The following ENG variants were observed in gnomAD, a reference collection of about 807,000 sequenced individuals.
ENG encodes CD105 antigen.
In ENG, 17 loss-of-function variants were observed where a neutral mutation model predicts 71.0. The observed-to-expected ratio is 0.24, with a 90% CI of 0.16 to 0.36. The LOEUF is 0.36. Ranked by LOEUF, ENG falls within the 10% of genes least tolerant of loss-of-function variation. The pLI is 1.00. For missense variants in ENG, 749 were observed against 868.3 expected, an observed-to-expected ratio of 0.86 and a Z score of 1.73; for synonymous variants, 360 against 366.9, an observed-to-expected ratio of 0.98 and a Z score of 0.21.
At chr9:127,816,722 G>A (rs1380847680) in intron 13 of ENG, 4 of 290,054 alleles carry the variant, frequency 1.4e-5, no homozygotes, top group Non-Finnish European at 2.7e-5. Context: ...GCCTGGTGTG[G>A]GCCTGGGCCT....
Position 127,825,868 on chromosome 9 carries a change from GAC to G in ENG, c.524-10_524-9del. 6.3e-7 allele frequency: 1 copy of G among 1,583,144 alleles called. No individual in the cohort carries two copies. Among genetic ancestry groups the G allele is most frequent in the Non-Finnish European group, 8.6e-7 (1 of 1,165,000 alleles). On this transcript the variant is annotated splice_polypyrimidine_tract_variant and intron_variant, in intron 4 of 14. Coordinates refer to ENST00000373203, the MANE Select transcript of ENG (RefSeq NM_001114753.3). ...AGGACAGTGACCCCTGGGCTGCAGA[GAC>G]ACGCGCACCTCAGTCCCTTCCCTCA...
chr9:127,854,578 C>G lies in ENG; in HGVS notation c.-223G>C. ...CTGGAGTTGCTGTCCGAAGGATGGG[C>G]GGGGAGGGGGTGCTGGGCTCCAATG... On this transcript the variant is annotated 5_prime_UTR_variant, in exon 1 of 15. Coordinates refer to ENST00000373203, the MANE Select transcript of ENG (RefSeq NM_001114753.3). 1.8e-6 allele frequency: 1 copy of G among 564,648 alleles called. No homozygotes were observed. The highest frequency in any genetic ancestry group is 3.1e-6 in the Non-Finnish European group (1 of 319,514). 35.0% of individuals were successfully genotyped at this position (564,648 alleles called of 1,614,324 possible). A position where few individuals can be genotyped will look rare whatever the true frequency, so the allele number is the denominator to read the frequency against.
chr9:127,829,614 G>A, intron 3 of ENG, 73 bp downstream of exon 3: 1 of 1,594,742 alleles, frequency 6.3e-7, no homozygotes, highest in Non-Finnish European at 8.6e-7. Context: ...GGGAGACCCT[G>A]ACCCACAGAG....
In ENG at chr9:127,820,022, T is replaced by C. The variant is rs747555666; in HGVS notation, c.1150A>G (p.Ile384Val). The C allele has an allele frequency of 2.5e-6, 4 of 1,614,080 alleles. No homozygotes were observed. Among genetic ancestry groups the C allele is most frequent in the Non-Finnish European group, 3.4e-6 (4 of 1,180,028 alleles). ...KELVAHLKCT[I>V]TGLTFWDPSC... ...GGGTCCCAGAAGGTCAGGCCCGTGATGGTGCACTTCAAATGCTGGGTCGGA... is the reference window on the plus strand; with the variant it reads ...GGGTCCCAGAAGGTCAGGCCCGTGACGGTGCACTTCAAATGCTGGGTCGGA... Residue 384 changes from isoleucine (I) to valine (V), a missense_variant, in exon 9 of 15, where the codon ATC (isoleucine) becomes GTC (valine). By Grantham distance (29) the Ile-to-Val change is conservative (BLOSUM62 3). Transcript: ENST00000373203.
chr9:127,818,406 T>A, intron 11 of ENG, 29 bp from the exon 12 acceptor site: 1 of 1,610,864 alleles, frequency 6.2e-7, no homozygotes, highest in Non-Finnish European at 8.5e-7. Flanking sequence ...CCACGCGGCA[T>A]GGGCAGCTGC....
chr9:127,826,977 G>A (rs562008931), intron 3 of ENG: 4 of 411,512 alleles, frequency 9.7e-6, no homozygotes, highest in East Asian at 5.3e-5. Flanking sequence ...TCCTGCGGCT[G>A]TCTCTCCCTA....
chr9:127,815,674 G>T lies in ENG; in HGVS notation c.*8C>A. ...TCTCTCCTGCTGGGCGAGCGCGGGG[G>T]GCCGGGGCTATGCCATGCTGCTGGT... On this transcript the variant is annotated 3_prime_UTR_variant, in exon 15 of 15. Coordinates refer to ENST00000373203, the MANE Select transcript of ENG (RefSeq NM_001114753.3). The T allele has an allele frequency of 6.4e-7, 1 of 1,556,096 alleles. No homozygotes were observed. Among genetic ancestry groups the T allele is most frequent in the East Asian group, 2.4e-5 (1 of 42,462 alleles).
In ENG at chr9:127,854,416, G is replaced by T. The variant is rs1829098801; in HGVS notation, c.-61C>A. 1 of 1,520,494 alleles carries T rather than the reference G, an allele frequency of 6.6e-7. No individual in the cohort carries two copies. The highest frequency in any genetic ancestry group is 1.4e-5 in the African/African-American group (1 of 71,618). 94.2% of individuals were successfully genotyped at this position (1,520,494 alleles called of 1,614,324 possible). A position where few individuals can be genotyped will look rare whatever the true frequency, so the allele number is the denominator to read the frequency against. ...CCTGTGTCCAGTGGCAGGGCTGCGG[G>T]CGGGCACCGGGGCCGGCGTGGGCTC... is the stretch of plus-strand genomic sequence containing the variant. On this transcript the variant is annotated 5_prime_UTR_variant, in exon 1 of 15. Transcript: ENST00000373203.
At chr9:127,827,229 G>T in intron 3 of ENG, 1 of 155,748 alleles carries the variant, frequency 6.4e-6, no homozygotes. Flanking sequence ...AGAAAGGGAT[G>T]GATGAATGAA....
chr9:127,844,923 C>T (rs777131287), intron 1 of ENG, among the ~76,000 whole-genome samples: 8 of 152,168 alleles, frequency 5.3e-5, no homozygotes, highest in Admixed American at 3.3e-4. Flanking sequence ...GCCGAGAAGG[C>T]GGCCCAGGTT....
intron 13 of ENG, 38 bp from the exon 14 acceptor site, chr9:127,816,091 C>T (rs747308116): frequency 6.3e-7 from 1 of 1,596,480 alleles, no homozygotes; most frequent in Non-Finnish European, 8.5e-7. Flanking sequence ...GCCACTCTGC[C>T]CCTGCCCCAT....
intron 4 of ENG, among the ~76,000 whole-genome samples, chr9:127,826,141 TTTATC>T (rs1306459651): frequency 6.6e-6 from 1 of 152,132 alleles, no homozygotes; most frequent in African/African-American, 2.4e-5. Flanking sequence ...AAATTATAGA[TTTATC>T]TGTGTACATG....
intron 2 of ENG, among the ~76,000 whole-genome samples, chr9:127,835,608 C>T (rs987776482): frequency 5.9e-5 from 9 of 152,176 alleles, no homozygotes; most frequent in African/African-American, 2.2e-4. Context: ...AGAGTGCAGT[C>T]TGGTGGCCAA....
chr9:127,850,264 T>A (rs892260242), intron 1 of ENG, among the ~76,000 whole-genome samples: 2 of 152,232 alleles, frequency 1.3e-5, no homozygotes, highest in African/African-American at 4.8e-5. Context: ...AAGCCTCAAT[T>A]TTCTCATCTA....
At position 127,838,762 on chromosome 9, in the gene ENG, C is replaced by G. The variant is rs888770171; in HGVS notation, c.219+4332G>C. Among the ~76,000 whole-genome samples, 2 of 152,186 alleles carry G rather than the reference C, an allele frequency of 1.3e-5. No homozygotes were observed. The highest frequency in any genetic ancestry group is 6.5e-5 in the Admixed American group (1 of 15,278). On this transcript the variant is annotated intron_variant, in intron 2 of 14. Transcript: ENST00000373203. This position sits in a 1 kb window ranked among gnomAD's most constrained non-coding sequence, Gnocchi z 4.3. Reference sequence around the variant, plus strand: ...CAGGATGTGACCCTGGGCCCCCTCCCGGAATCCAGGCTCCGGCCTGCCCTT... The same window carrying G: ...CAGGATGTGACCCTGGGCCCCCTCCGGGAATCCAGGCTCCGGCCTGCCCTT...
chr9:127,829,691 G>A lies in ENG; in HGVS notation c.356C>T (p.Ala119Val). The change falls in exon 3 of 15, where the codon GCC becomes GTC. Residue 119 changes from alanine to valine, a missense_variant. Ala to Val is a moderately conservative substitution (Grantham distance 64). Transcript: ENST00000373203. ...GGTTGGAGGGAACACACTCACGTAG[G>A]CCAAGTGCAGTGGGATTCCCAGGGC... Reference protein sequence around the residue: ...LQALGIPLHLAYNSSLVTFQE... With the variant: ...LQALGIPLHLVYNSSLVTFQE... 1.2e-6 allele frequency: 2 copies of A among 1,614,050 alleles called. No homozygotes were observed. Among genetic ancestry groups the A allele is most frequent in the Middle Eastern group, 1.7e-4 (1 of 6,042 alleles).
chr9:127,819,420 C>T (rs1478186876), intron 10 of ENG: 1 of 668,954 alleles, frequency 1.5e-6, no homozygotes, highest in East Asian at 2.9e-5. Context: ...CCAGTATGTG[C>T]TAAGCCCTCT....
In ENG at chr9:127,825,100, C is replaced by T. The variant is rs779772383; in HGVS notation, c.817-126G>A. ...ACTCCTGCTGCGTCTTCTGCCTGGC[C>T]CCTTCCCTCACGTATGGGCATAGGT... On this transcript the variant is annotated intron_variant, in intron 6 of 14. Coordinates refer to ENST00000373203, the MANE Select transcript of ENG (RefSeq NM_001114753.3). 1,298 of 1,594,006 alleles carry T rather than the reference C, an allele frequency of 8.1e-4. 9 individuals carry two copies. The highest frequency in any genetic ancestry group is 1.4e-4 in the Non-Finnish European group (164 of 1,168,186).
chr9:127,837,049 A>G (rs1271624732), intron 2 of ENG, among the ~76,000 whole-genome samples: 2 of 152,030 alleles, frequency 1.3e-5, no homozygotes. Context: ...CGGCCTCCCA[A>G]AGTGCTGAGA....
Sources: allele counts gnomAD v4.1 joint callset (sites outside exome capture counted in the v4.1 genomes callset), GRCh38; gene constraint gnomAD v4.1.1; non-coding constraint Gnocchi (gnomAD v3.1); transcripts MANE v1.5; gene names NCBI Gene and HGNC (gene_info 2026-07-23, HGNC 2026-07-21).